UBE2H: variants seen among roughly 807,000 people sequenced by gnomAD.
UBE2H encodes the protein ubiquitin-conjugating enzyme E2 H.
UBE2H carries 3 observed loss-of-function variants against 29.0 expected under a neutral mutation model. That is an observed-to-expected ratio of 0.10 (90% CI 0.05 to 0.27). UBE2H has a LOEUF of 0.27. Among genes scored for constraint, UBE2H ranks in the 10% least tolerant of loss-of-function variants. The pLI, the probability that UBE2H is intolerant of heterozygous loss-of-function variation, is 1.00. For synonymous variants in UBE2H, 69 were observed against 82.9 expected (o/e 0.83, Z 0.91); for missense variants, 68 against 228.2 (o/e 0.30, Z 4.52).
chr7:129,923,187 A>G (rs956501457), intron 1 of UBE2H, among the ~76,000 whole-genome samples: 9 of 152,182 alleles, frequency 5.9e-5, no homozygotes, highest in Admixed American at 4.6e-4. Context: ...TTTCCAGTCC[A>G]TAACTGTTAA....
At chr7:129,903,636 C>T (rs774495535) in intron 1 of UBE2H, among the ~76,000 whole-genome samples, 6 of 152,122 alleles carry the variant, frequency 3.9e-5, no homozygotes, top group Non-Finnish European at 7.3e-5. Flanking sequence ...TGGTGGCTCA[C>T]GTCTGTAATC....
chr7:129,885,241 A>G (rs1344826885), intron 1 of UBE2H, among the ~76,000 whole-genome samples: 1 of 152,224 alleles, frequency 6.6e-6, no homozygotes, highest in African/African-American at 2.4e-5. Flanking sequence ...ACTGACAAGG[A>G]TAATGAAAGA....
chr7:129,897,839 T>C (rs1332613272), intron 1 of UBE2H, among the ~76,000 whole-genome samples: 2 of 152,200 alleles, frequency 1.3e-5, no homozygotes, highest in African/African-American at 2.4e-5. Context: ...AAAAATAGTG[T>C]CTTCTTGATT....
chr7:129,839,345 C>G lies in UBE2H; in HGVS notation c.299-10G>C, dbSNP rs1329700240. 2.5e-6 allele frequency: 4 copies of G among 1,612,292 alleles called. No homozygotes were observed. The highest frequency in any genetic ancestry group is 3.4e-6 in the Non-Finnish European group (4 of 1,179,388). Reference sequence around the variant, plus strand: ...AATATATTGGTAAGATCTGAAAAACCAAACAAACATGTCACACATGGGAAA... The same window carrying G: ...AATATATTGGTAAGATCTGAAAAACGAAACAAACATGTCACACATGGGAAA... On this transcript the variant is annotated splice_polypyrimidine_tract_variant and intron_variant, in intron 5 of 6. Transcript: ENST00000355621.
At chr7:129,898,588 T>C (rs1806645223) in intron 1 of UBE2H, among the ~76,000 whole-genome samples, 1 of 152,140 alleles carries the variant, frequency 6.6e-6, no homozygotes, top group African/African-American at 2.4e-5. Flanking sequence ...TGGATGTATA[T>C]ATAGTAAGAA....
At position 129,834,289 on chromosome 7, in the gene UBE2H, G is replaced by A. The variant is rs1488194590; in HGVS notation, c.*648C>T. On this transcript the variant is annotated 3_prime_UTR_variant, in exon 7 of 7. Transcript: ENST00000355621. The stretch of plus-strand genomic sequence containing the variant: ...AACACTGTGGCTGCAGGGCCTGGTA[G>A]TGTGAAGGGCAGCAACTGACATATA... 1 of 152,252 alleles carries A rather than the reference G, an allele frequency of 6.6e-6. No individual in the cohort carries two copies. Among genetic ancestry groups the A allele is most frequent in the African/African-American group, 2.4e-5 (1 of 41,462 alleles). 9.4% of individuals were successfully genotyped at this position (152,252 alleles called of 1,614,324 possible). A position where few individuals can be genotyped will look rare whatever the true frequency, so the allele number is the denominator to read the frequency against.
intron 1 of UBE2H, among the ~76,000 whole-genome samples, chr7:129,912,356 C>T (rs1806954161): frequency 6.6e-6 from 1 of 152,092 alleles, no homozygotes; most frequent in Non-Finnish European, 1.5e-5. Flanking sequence ...GGCGATGAGA[C>T]TCAAGTCTAA....
At chr7:129,850,690 C>T (rs902929111) in intron 5 of UBE2H, among the ~76,000 whole-genome samples, 2 of 152,052 alleles carry the variant, frequency 1.3e-5, no homozygotes, top group Admixed American at 1.3e-4. Flanking sequence ...TGGCAGGCGC[C>T]TGTAATCCCA....
At chr7:129,938,923 C>T (rs1389911040) in intron 1 of UBE2H, among the ~76,000 whole-genome samples, 3 of 151,854 alleles carry the variant, frequency 2.0e-5, no homozygotes, top group Non-Finnish European at 2.9e-5. Context: ...CTCAGCCTCC[C>T]GAGCAGCTTT....
chr7:129,927,668 A>G (rs1807298395), intron 1 of UBE2H, among the ~76,000 whole-genome samples: 1 of 152,240 alleles, frequency 6.6e-6, no homozygotes, highest in Non-Finnish European at 1.5e-5. Flanking sequence ...TCCCAGCATC[A>G]TGGATGAGTT....
At chr7:129,867,723 C>CAA (rs1563027569) in intron 3 of UBE2H, among the ~76,000 whole-genome samples, 27 of 65,556 alleles carry the variant, frequency 4.1e-4, no homozygotes, top group South Asian at 5.8e-4. Context: ...AAAAAGAAAA[C>CAA]CAAAAAAAAA....
chr7:129,848,836 C>CTTTTTTTTTTTT (rs34279042), intron 5 of UBE2H, among the ~76,000 whole-genome samples: 2 of 128,748 alleles, frequency 1.6e-5, no homozygotes, highest in Admixed American at 8.1e-5. Flanking sequence ...AACCAGGTAG[C>CTTTTTTTTTTTT]TTTTTTTTTT....
intron 5 of UBE2H, among the ~76,000 whole-genome samples, chr7:129,852,960 A>T (rs1466184117): frequency 6.6e-6 from 1 of 152,176 alleles, no homozygotes; most frequent in South Asian, 2.1e-4. Flanking sequence ...TCCCGACCTA[A>T]GGTGATCCGC....
chr7:129,874,167 A>G (rs76106045), intron 3 of UBE2H, among the ~76,000 whole-genome samples: 9,507 of 152,168 alleles, frequency 0.062, 371 homozygotes, highest in Non-Finnish European at 0.092. Context: ...ATAAAATGAC[A>G]TCTTAATTTT....
chr7:129,841,745 G>A (rs1805433208), intron 5 of UBE2H, among the ~76,000 whole-genome samples: 1 of 152,076 alleles, frequency 6.6e-6, no homozygotes, highest in Non-Finnish European at 1.5e-5. Context: ...CCTTCATAAG[G>A]CTGACTTCAG....
intron 1 of UBE2H, among the ~76,000 whole-genome samples, chr7:129,935,067 CAT>C (rs904472020): frequency 7.3e-5 from 11 of 150,814 alleles, no homozygotes; most frequent in Non-Finnish European, 1.0e-4. Flanking sequence ...TAAAAATAAA[CAT>C]ATGTATATAT....
At chr7:129,836,238 T>C (rs1033964216) in intron 6 of UBE2H, among the ~76,000 whole-genome samples, 1 of 152,236 alleles carries the variant, frequency 6.6e-6, no homozygotes, top group African/African-American at 2.4e-5. Flanking sequence ...TTTTGCGTCT[T>C]CCTTTGTAGA....
At chr7:129,927,298 T>C (rs919784136) in intron 1 of UBE2H, among the ~76,000 whole-genome samples, 5 of 152,020 alleles carry the variant, frequency 3.3e-5, no homozygotes, top group Non-Finnish European at 5.9e-5. Flanking sequence ...TCCCAGCACT[T>C]TGAGAGGCAG....
chr7:129,925,976 T>C (rs1807260856), intron 1 of UBE2H, among the ~76,000 whole-genome samples: 1 of 152,176 alleles, frequency 6.6e-6, no homozygotes, highest in Admixed American at 6.6e-5. Flanking sequence ...CAGTAAGCAA[T>C]TACATGCTAA....
Sources: allele counts gnomAD v4.1 joint callset (sites outside exome capture counted in the v4.1 genomes callset), GRCh38; gene constraint gnomAD v4.1.1; transcripts MANE v1.5; gene names NCBI Gene and HGNC (gene_info 2026-07-23, HGNC 2026-07-21).